LRRC27: variants seen among roughly 807,000 people sequenced by gnomAD.
LRRC27 encodes the protein leucine-rich repeat-containing protein 27.
Under a neutral mutation model 55.0 loss-of-function variants are expected in LRRC27, and 57 were observed. The ratio of observed to expected loss-of-function variants is 1.04; its 90% confidence interval spans 0.84 to 1.29. The LOEUF is 1.29. LRRC27 is among the 50% of genes most tolerant of loss of function. The pLI is 0.00. For synonymous variants in LRRC27, 278 were observed against 251.9 expected, an observed-to-expected ratio of 1.10 and a Z score of -0.98; for missense variants, 721 against 651.5, an observed-to-expected ratio of 1.11 and a Z score of -1.16.
chr10:132,334,289 AAC>A (rs1789980441), intron 2 of LRRC27, among the ~76,000 whole-genome samples: 1 of 152,234 alleles, frequency 6.6e-6, no homozygotes, highest in Non-Finnish European at 1.5e-5. Flanking sequence ...AATTTCCTTA[AAC>A]CTCATTTGGT....
intron 5 of LRRC27, among the ~76,000 whole-genome samples, chr10:132,347,275 C>T (rs181722707): frequency 2.0e-5 from 3 of 151,246 alleles, no homozygotes; most frequent in African/African-American, 4.9e-5. Flanking sequence ...AGGTCAGGCG[C>T]GCCCGGTGGG....
rs1264119640 is a variant in LRRC27, at chr10:132,375,733, G to T, written c.*491G>T. 3.3e-5 allele frequency: 5 copies of T among 152,894 alleles called. No homozygotes were observed. Among genetic ancestry groups the T allele is most frequent in the Non-Finnish European group, 5.8e-5 (4 of 68,600 alleles). The allele number at this position is 152,894 out of a possible 1,614,324, so 9.5% of individuals were successfully genotyped here. A position where few individuals can be genotyped will look rare whatever the true frequency, so the allele number is the denominator to read the frequency against. On this transcript the variant is annotated 3_prime_UTR_variant, in exon 11 of 11. Transcript: ENST00000368614. ...GTGGTTACCCTGCTCCCTGCCCAGT[G>T]ACAAGCCCTCCTTTCCCCTGGGGGC...
At chr10:132,330,354 A>T, upstream of LRRC27, 1 of 685,946 alleles carries the variant, frequency 1.5e-6, no homozygotes. Context: ...TAGAAATAGC[A>T]TCGTGCTGAA....
Position 132,373,350 on chromosome 10 carries a change from G to A in LRRC27, c.1417-1716G>A, listed in dbSNP as rs555304491. The stretch of plus-strand genomic sequence containing the variant: ...AGACGGAGGGAGAAGGTGCAGGAGG[G>A]CTCGTCACAAAGGAACCAACGTGCT... On this transcript the variant is annotated intron_variant, in intron 10 of 10. Transcript: ENST00000368614. 2.0e-5 allele frequency among the ~76,000 whole-genome samples: 3 copies of A among 152,270 alleles called. No individual in the cohort carries two copies. The East Asian group carries it at 5.8e-4, about 29-fold the overall frequency.
At chr10:132,330,482 C>T (rs1132164), upstream of LRRC27, 257,991 of 712,122 alleles carry the variant, frequency 0.36, 48,695 homozygotes, top group Middle Eastern at 0.4. Flanking sequence ...GTGCTTTCAG[C>T]TTCCTGATTG....
intron 10 of LRRC27, chr10:132,367,008 G>T: frequency 8.3e-7 from 1 of 1,204,920 alleles, no homozygotes; most frequent in South Asian, 1.4e-5. Flanking sequence ...TAAATCCATC[G>T]TTTATGAGTA....
At chr10:132,344,990 A>G (rs2067607443) in intron 5 of LRRC27, 2 of 193,668 alleles carry the variant, frequency 1.0e-5, no homozygotes, top group Non-Finnish European at 2.2e-5. Flanking sequence ...GCTATTTTAA[A>G]ATAAGTACAA....
intron 5 of LRRC27, among the ~76,000 whole-genome samples, chr10:132,346,977 T>C (rs2067731474): frequency 6.6e-6 from 1 of 152,186 alleles, no homozygotes; most frequent in Admixed American, 6.5e-5. Context: ...GACGGCCACC[T>C]GGGGTCTCAC....
At chr10:132,346,815 C>G (rs1215680292) in intron 5 of LRRC27, among the ~76,000 whole-genome samples, 6 of 129,062 alleles carry the variant, frequency 4.6e-5, no homozygotes, top group Non-Finnish European at 9.9e-5. Flanking sequence ...TCACTTGTAC[C>G]CCAGGGGGAA....
chr10:132,331,421 C>A (rs1242609540), upstream of LRRC27: 2 of 1,602,924 alleles, frequency 1.2e-6, no homozygotes, highest in Non-Finnish European at 1.7e-6. Flanking sequence ...CAAAACCCTT[C>A]CTCAGGACAC....
chr10:132,362,351 G>A (rs1432256850), intron 9 of LRRC27, among the ~76,000 whole-genome samples: 1 of 152,180 alleles, frequency 6.6e-6, no homozygotes, highest in Non-Finnish European at 1.5e-5. Flanking sequence ...AACGTGAGGG[G>A]AAGGGTAGGG....
intron 7 of LRRC27, chr10:132,353,080 G>A: frequency 6.6e-7 from 1 of 1,521,730 alleles, no homozygotes; most frequent in Non-Finnish European, 8.8e-7. Context: ...GGCCCCAGGA[G>A]TCCGGCTGGC....
chr10:132,364,449 C>T (rs1218716890), intron 9 of LRRC27, among the ~76,000 whole-genome samples: 5 of 124,982 alleles, frequency 4.0e-5, no homozygotes, highest in African/African-American at 1.5e-4. Context: ...ACCTCCACAC[C>T]CACACTCACA....
intron 7 of LRRC27, chr10:132,353,240 A>T: frequency 4.6e-6 from 6 of 1,301,166 alleles, no homozygotes; most frequent in Non-Finnish European, 5.9e-6. Context: ...GAGCTGGCCG[A>T]GTCCAGCCTC....
At chr10:132,362,803 G>A (rs1445720211) in intron 9 of LRRC27, among the ~76,000 whole-genome samples, 3 of 144,738 alleles carry the variant, frequency 2.1e-5, no homozygotes, top group Non-Finnish European at 4.5e-5. Flanking sequence ...AGCTGCTTGG[G>A]GGTCCGGGGT....
intron 9 of LRRC27, among the ~76,000 whole-genome samples, chr10:132,364,366 C>A (rs1239525975): frequency 4.2e-5 from 1 of 23,546 alleles, no homozygotes; most frequent in Non-Finnish European, 8.8e-5. Context: ...CACACCCGCG[C>A]TTACACCCAC....
At chr10:132,347,945 G>A (rs377208320) in intron 5 of LRRC27, 39 bp from the exon 6 acceptor site, 136 of 1,546,190 alleles carry the variant, frequency 8.8e-5, no homozygotes, top group Non-Finnish European at 1.1e-4. Flanking sequence ...GAGGGATGGC[G>A]TTGATGGTAG....
chr10:132,351,223 G>A (rs151117828), intron 6 of LRRC27: 15 of 181,626 alleles, frequency 8.3e-5, no homozygotes, highest in African/African-American at 1.9e-4. Context: ...CGGGCGAGCT[G>A]CTGGCCAGGC....
chr10:132,337,508 A>G, intron 2 of LRRC27, 57 bp from the exon 3 acceptor site: 1 of 1,600,508 alleles, frequency 6.2e-7, no homozygotes, highest in Non-Finnish European at 8.5e-7. Context: ...TGGATATATC[A>G]TGTTTTACAA....
Sources: allele counts gnomAD v4.1 joint callset (sites outside exome capture counted in the v4.1 genomes callset), GRCh38; gene constraint gnomAD v4.1.1; transcripts MANE v1.5; gene names NCBI Gene and HGNC (gene_info 2026-07-23, HGNC 2026-07-21).